CHRM3: variants seen among roughly 807,000 people sequenced by gnomAD.
CHRM3 encodes the protein muscarinic acetylcholine receptor M3.
Under a neutral mutation model 41.8 loss-of-function variants are expected in CHRM3, and 11 were observed. The observed-to-expected ratio is 0.26, with a 90% confidence interval of 0.17 to 0.44. CHRM3 has a LOEUF of 0.44. Ranked by LOEUF, CHRM3 falls within the 20% of genes least tolerant of loss-of-function variation. The pLI is 1.00. For synonymous variants in CHRM3, 297 were observed against 301.4 expected, an observed-to-expected ratio of 0.99 and a Z score of 0.15; for missense variants, 571 against 745.4, an observed-to-expected ratio of 0.77 and a Z score of 2.72.
intron 2 of CHRM3, among the ~76,000 whole-genome samples, chr1:239,499,178 A>C (rs1668066047): frequency 1.3e-5 from 2 of 152,124 alleles, no homozygotes; most frequent in African/African-American, 4.8e-5. Flanking sequence ...TGACGATTTC[A>C]TGATTTAGAA....
intron 5 of CHRM3, among the ~76,000 whole-genome samples, chr1:239,774,380 AC>A (rs1184815038): frequency 1.3e-5 from 2 of 152,142 alleles, no homozygotes; most frequent in Non-Finnish European, 2.9e-5. Flanking sequence ...TGGGGTGGGT[AC>A]TCAGAACAAT....
intron 1 of CHRM3, among the ~76,000 whole-genome samples, chr1:239,483,691 A>C (rs2148016270): frequency 6.6e-6 from 1 of 152,324 alleles, no homozygotes; most frequent in Admixed American, 6.5e-5. Context: ...CTGAAAAATT[A>C]TTTGAGCACC....
chr1:239,491,872 T>A (rs534753203), intron 1 of CHRM3, among the ~76,000 whole-genome samples: 1 of 152,336 alleles, frequency 6.6e-6, no homozygotes, highest in African/African-American at 2.4e-5. Context: ...TGGGTTGTTT[T>A]GAAAGCCACG....
chr1:239,612,539 G>A lies in CHRM3; in HGVS notation c.-312-19685G>A, dbSNP rs947692363. Among the ~76,000 whole-genome samples the A allele has an allele frequency of 7.2e-5, 11 of 152,076 alleles. No homozygotes were observed. In the East Asian group the frequency reaches 1.2e-3, roughly 16 times the overall value. ...TCAAATCCACAGATAAATAGACACC[G>A]GCCTGTTCTCACTGCTTGCCAACCT... On this transcript the variant is annotated intron_variant, in intron 3 of 6. Coordinates refer to ENST00000676153, the MANE Select transcript of CHRM3 (RefSeq NM_001375978.1).
intron 3 of CHRM3, among the ~76,000 whole-genome samples, chr1:239,583,418 C>T (rs1469936981): frequency 1.3e-5 from 2 of 152,062 alleles, no homozygotes; most frequent in East Asian, 1.9e-4. Flanking sequence ...TCTGCTATGC[C>T]TGGCAATGTG....
At chr1:239,652,541 C>A (rs911459382) in intron 4 of CHRM3, among the ~76,000 whole-genome samples, 1 of 151,860 alleles carries the variant, frequency 6.6e-6, no homozygotes. Context: ...CTATTTTTTT[C>A]TCTGCTGAGC....
At chr1:239,799,745 A>G (rs1004103026) in intron 5 of CHRM3, among the ~76,000 whole-genome samples, 21 of 152,172 alleles carry the variant, frequency 1.4e-4, no homozygotes, top group South Asian at 6.2e-4. Flanking sequence ...ATCAAACTGT[A>G]ACTGCTTCAC....
At chr1:239,505,847 A>G (rs1668530184) in intron 2 of CHRM3, among the ~76,000 whole-genome samples, 1 of 152,112 alleles carries the variant, frequency 6.6e-6, no homozygotes, top group African/African-American at 2.4e-5. Context: ...GCAGTATAAG[A>G]CAGTAAGTTC....
chr1:239,719,171 C>T (rs978775382), intron 5 of CHRM3: 4 of 151,870 alleles, frequency 2.6e-5, no homozygotes, highest in Admixed American at 2.6e-4. Flanking sequence ...GGGTGAGCTC[C>T]AAGAATGCAG....
rs528757863 is a variant in CHRM3 at position 239,666,176 on chromosome 1, G to A, written c.-249-12010G>A. On this transcript the variant is annotated intron_variant, in intron 4 of 6. Coordinates refer to ENST00000676153, the MANE Select transcript of CHRM3 (RefSeq NM_001375978.1). ...CCTATTTCTCCACATCCTCTCCAGC[G>A]TCTGTTGTTGCCTGACTTTTTTTTT... Among the ~76,000 whole-genome samples the A allele has an allele frequency of 2.4e-3, 339 of 142,244 alleles. 2 individuals carry two copies. Among genetic ancestry groups the A allele is most frequent in the African/African-American group, 7.9e-3 (301 of 38,156 alleles). The allele number at this position is 142,244 out of a possible 152,430, so 93.3% of individuals were successfully genotyped here. A position where few individuals can be genotyped will look rare whatever the true frequency, so the allele number is the denominator to read the frequency against.
intron 1 of CHRM3, among the ~76,000 whole-genome samples, chr1:239,422,802 AAC>A (rs899202710): frequency 3.7e-4 from 51 of 139,134 alleles, no homozygotes; most frequent in East Asian, 8.1e-4. Flanking sequence ...TCTTAAAAAA[AAC>A]AAAAACAAAA....
At chr1:239,438,571 G>A (rs1663454498) in intron 1 of CHRM3, among the ~76,000 whole-genome samples, 2 of 152,136 alleles carry the variant, frequency 1.3e-5, no homozygotes, top group African/African-American at 4.8e-5. Context: ...TTATCCTCAT[G>A]ATATGGAGCA....
intron 2 of CHRM3, among the ~76,000 whole-genome samples, chr1:239,529,609 C>CAAAAAAAAAA (rs74990447): frequency 9.9e-5 from 11 of 110,826 alleles, no homozygotes; most frequent in African/African-American, 1.8e-4. Context: ...GACTCCGTCT[C>CAAAAAAAAAA]AAAAAAAAAA....
intron 5 of CHRM3, among the ~76,000 whole-genome samples, chr1:239,821,254 T>G (rs979819226): frequency 2.7e-4 from 41 of 152,348 alleles, no homozygotes; most frequent in Middle Eastern, 3.4e-3. Flanking sequence ...ATTGAGTCTC[T>G]AATGAGACAT....
chr1:239,441,283 T>C (rs1489034111), intron 1 of CHRM3, among the ~76,000 whole-genome samples: 3 of 152,162 alleles, frequency 2.0e-5, no homozygotes, highest in Non-Finnish European at 4.4e-5. Flanking sequence ...AGGCAAACAA[T>C]AACACAGTCA....
At chr1:239,685,193 C>T (rs571393759) in intron 5 of CHRM3, among the ~76,000 whole-genome samples, 3 of 152,304 alleles carry the variant, frequency 2.0e-5, no homozygotes, top group Admixed American at 2.0e-4. Context: ...CACAGAACTC[C>T]AGCCGGGACC....
At chr1:239,723,994 C>T (rs1663207212) in intron 5 of CHRM3, among the ~76,000 whole-genome samples, 1 of 151,832 alleles carries the variant, frequency 6.6e-6, no homozygotes, top group African/African-American at 2.4e-5. Context: ...CCTGAGCTGA[C>T]ATTCACTGAA....
chr1:239,851,314 T>C (rs1674677947), intron 6 of CHRM3, among the ~76,000 whole-genome samples: 1 of 152,200 alleles, frequency 6.6e-6, no homozygotes, highest in South Asian at 2.1e-4. Flanking sequence ...CTCTGAAAGA[T>C]CCTAAAAGTT....
chr1:239,639,854 G>C (rs937965689), intron 4 of CHRM3, among the ~76,000 whole-genome samples: 6 of 145,190 alleles, frequency 4.1e-5, no homozygotes, highest in Non-Finnish European at 7.6e-5. Flanking sequence ...TTTTCAAAGG[G>C]AATGCTTCCA....
Sources: allele counts gnomAD v4.1 joint callset (sites outside exome capture counted in the v4.1 genomes callset), GRCh38; gene constraint gnomAD v4.1.1; transcripts MANE v1.5; gene names NCBI Gene and HGNC (gene_info 2026-07-23, HGNC 2026-07-21).